ZFAND3: variants seen among roughly 807,000 people sequenced by gnomAD.
The protein encoded by ZFAND3 is zinc finger AN1-type containing 3.
In ZFAND3, 10 loss-of-function variants were observed where a neutral mutation model predicts 29.6. The observed-to-expected ratio is 0.34, with a 90% CI of 0.21 to 0.57. The LOEUF (loss-of-function observed/expected upper bound fraction) is 0.57, where lower values mean the gene tolerates loss of function less well. ZFAND3 is among the 20% of genes least tolerant of loss of function. The pLI, the probability that ZFAND3 is intolerant of heterozygous loss-of-function variation, is 0.86. For synonymous variants in ZFAND3, 128 were observed against 112.6 expected (o/e 1.14, Z -0.87); for missense variants, 230 against 304.5 (o/e 0.76, Z 1.82).
At chr6:37,891,233 G>GCAT (rs1255930354) in intron 1 of ZFAND3, among the ~76,000 whole-genome samples, 2 of 152,148 alleles carry the variant, frequency 1.3e-5, no homozygotes, top group East Asian at 3.8e-4. Flanking sequence ...GTTGTAGCCT[G>GCAT]CATCATATCA....
chr6:37,904,853 G>C (rs1268056205), intron 1 of ZFAND3, among the ~76,000 whole-genome samples: 5 of 152,134 alleles, frequency 3.3e-5, no homozygotes, highest in African/African-American at 1.2e-4. Flanking sequence ...GGATTTACTT[G>C]TGCTTGTTTA....
In ZFAND3 at chr6:37,837,236, T is replaced by C. The variant is rs183504538; in HGVS notation, c.71+17220T>C. On this transcript the variant is annotated intron_variant, in intron 1 of 5. Coordinates refer to ENST00000287218, the MANE Select transcript of ZFAND3 (RefSeq NM_021943.3). ...TTGGCTGATACTGGTTTATGCTATTTTATTCATGACATGTGCTGTATGTGT... is the reference window on the plus strand; with the variant it reads ...TTGGCTGATACTGGTTTATGCTATTCTATTCATGACATGTGCTGTATGTGT... Among the ~76,000 whole-genome samples the C allele has an allele frequency of 1.6e-3, 251 of 152,322 alleles. 1 individual carries two copies. The highest frequency in any genetic ancestry group is 5.8e-3 in the African/African-American group (240 of 41,570).
chr6:38,066,164 G>C (rs1437311855), intron 3 of ZFAND3, among the ~76,000 whole-genome samples: 1 of 152,224 alleles, frequency 6.6e-6, no homozygotes, highest in Non-Finnish European at 1.5e-5. Context: ...GAAGATGTGT[G>C]CCAGATTTGG....
intron 2 of ZFAND3, among the ~76,000 whole-genome samples, chr6:37,957,715 C>T (rs1238151285): frequency 3.9e-5 from 6 of 152,078 alleles, no homozygotes; most frequent in African/African-American, 1.4e-4. Flanking sequence ...TGGTAGAACT[C>T]TACCCTTAGT....
chr6:37,949,491 C>T (rs765898279), intron 2 of ZFAND3, among the ~76,000 whole-genome samples: 1 of 152,146 alleles, frequency 6.6e-6, no homozygotes, highest in Non-Finnish European at 1.5e-5. Flanking sequence ...ACACTATCTA[C>T]CTGGAGGTGT....
chr6:37,850,685 A>G (rs1428368795), intron 1 of ZFAND3, among the ~76,000 whole-genome samples: 2 of 152,134 alleles, frequency 1.3e-5, no homozygotes, highest in Non-Finnish European at 2.9e-5. Context: ...TTCTAAGTAC[A>G]CTGTATGGTG....
At chr6:38,089,592 T>C (rs1455796824) in intron 4 of ZFAND3, among the ~76,000 whole-genome samples, 1 of 152,250 alleles carries the variant, frequency 6.6e-6, no homozygotes, top group East Asian at 1.9e-4. Context: ...GTTGTTAGGT[T>C]ACTGAAAAGT....
At chr6:38,083,580 A>G (rs1764704756) in intron 4 of ZFAND3, among the ~76,000 whole-genome samples, 1 of 152,158 alleles carries the variant, frequency 6.6e-6, no homozygotes, top group Non-Finnish European at 1.5e-5. Flanking sequence ...GCTTGAAAAC[A>G]TTCAGTGTCC....
intron 2 of ZFAND3, among the ~76,000 whole-genome samples, chr6:37,999,069 A>C (rs1458492918): frequency 1.3e-5 from 2 of 152,158 alleles, no homozygotes; most frequent in East Asian, 1.9e-4. Context: ...TGGAGTAGGA[A>C]ATATATAAAT....
At chr6:37,829,918 GT>G (rs1383821995) in intron 1 of ZFAND3, among the ~76,000 whole-genome samples, 20 of 152,178 alleles carry the variant, frequency 1.3e-4, no homozygotes, top group African/African-American at 4.8e-4. Flanking sequence ...CTCTTGTATA[GT>G]AGGATCTCTT....
At chr6:37,865,953 T>C in intron 1 of ZFAND3, among the ~76,000 whole-genome samples, 1 of 152,234 alleles carries the variant, frequency 6.6e-6, no homozygotes, top group Admixed American at 6.5e-5. Flanking sequence ...CTGGTCTGTG[T>C]GCCCTAATGC....
chr6:38,097,191 T>C (rs1179830755), intron 4 of ZFAND3, among the ~76,000 whole-genome samples: 1 of 151,546 alleles, frequency 6.6e-6, no homozygotes, highest in Non-Finnish European at 1.5e-5. Flanking sequence ...TCCTCCTACC[T>C]CAGCCTCCTG....
At chr6:38,002,450 G>A (rs1421909702) in intron 2 of ZFAND3, among the ~76,000 whole-genome samples, 1 of 151,894 alleles carries the variant, frequency 6.6e-6, no homozygotes, top group Non-Finnish European at 1.5e-5. Flanking sequence ...AGGCTGAGGC[G>A]GGCGGATTGC....
intron 1 of ZFAND3, among the ~76,000 whole-genome samples, chr6:37,929,709 A>G (rs1761556544): frequency 6.6e-6 from 1 of 151,950 alleles, no homozygotes. Flanking sequence ...AAAAGCAAAC[A>G]TTGGCTAATT....
At chr6:37,842,845 G>A (rs1433465886) in intron 1 of ZFAND3, among the ~76,000 whole-genome samples, 1 of 151,988 alleles carries the variant, frequency 6.6e-6, no homozygotes, top group African/African-American at 2.4e-5. Context: ...TTTCTTTCTG[G>A]GTGTGGTGGC....
At chr6:38,060,169 G>A (rs550439712) in intron 2 of ZFAND3, among the ~76,000 whole-genome samples, 37 of 152,264 alleles carry the variant, frequency 2.4e-4, no homozygotes, top group African/African-American at 8.7e-4. Flanking sequence ...CAGTAGGGCT[G>A]ACTGTGGAAC....
chr6:37,986,923 C>A (rs1762681284), intron 2 of ZFAND3, among the ~76,000 whole-genome samples: 1 of 152,114 alleles, frequency 6.6e-6, no homozygotes, highest in Admixed American at 6.5e-5. Flanking sequence ...ACTAAATGTT[C>A]CAGGCACAGG....
At chr6:37,930,977 A>C (rs186575041) in intron 2 of ZFAND3, among the ~76,000 whole-genome samples, 119 of 152,292 alleles carry the variant, frequency 7.8e-4, no homozygotes, top group Non-Finnish European at 1.8e-4. Context: ...GGAGAATGGC[A>C]GGGGACTTGG....
At chr6:38,045,071 T>C (rs955088967) in intron 2 of ZFAND3, among the ~76,000 whole-genome samples, 3 of 142,300 alleles carry the variant, frequency 2.1e-5, no homozygotes, top group East Asian at 3.8e-4. Context: ...TATTTATTTA[T>C]TTATTTATTT....
Sources: allele counts gnomAD v4.1 joint callset (sites outside exome capture counted in the v4.1 genomes callset), GRCh38; gene constraint gnomAD v4.1.1; transcripts MANE v1.5; gene names NCBI Gene and HGNC (gene_info 2026-07-23, HGNC 2026-07-21).